The following YIPF6 variants were observed in gnomAD, a reference collection of about 807,000 sequenced individuals.
YIPF6 encodes protein YIPF6.
A neutral mutation model predicts 16.8 loss-of-function variants in YIPF6; 3 were observed. The observed-to-expected ratio is 0.18, with a 90% CI of 0.08 to 0.46. YIPF6 has a LOEUF of 0.46. YIPF6 is among the 20% of genes least tolerant of loss of function. The pLI, the probability that YIPF6 is intolerant of heterozygous loss-of-function variation, is 0.98. For missense variants in YIPF6, 145 were observed against 184.9 expected, an observed-to-expected ratio of 0.78 and a Z score of 1.25; for synonymous variants, 67 against 61.9, an observed-to-expected ratio of 1.08 and a Z score of -0.38.
At chrX:68,531,699 G>A (rs1029628591) in intron 6 of YIPF6, among the ~76,000 whole-genome samples, 182 bp from the exon 7 acceptor site, 1 of 111,780 alleles carries the variant, frequency 8.9e-6, no homozygotes, top group Non-Finnish European at 1.9e-5. Context: ...CCTCGGCCTC[G>A]GCTCTCTGAA....
At chrX:68,508,506 T>G (rs2079068347) in intron 1 of YIPF6, among the ~76,000 whole-genome samples, 2 of 112,221 alleles carry the variant, frequency 1.8e-5, no homozygotes, top group African/African-American at 6.5e-5. Context: ...TACTCTATTC[T>G]TTTTTCTTTT....
chrX:68,518,919 A>G (rs952277233), intron 4 of YIPF6, 107 bp downstream of exon 4: 10 of 798,073 alleles, frequency 1.3e-5, no homozygotes, highest in Admixed American at 7.4e-5. Flanking sequence ...TAGGACTTAT[A>G]TGACATGTTG....
At chrX:68,517,722 C>A (rs1019322716) in intron 3 of YIPF6, among the ~76,000 whole-genome samples, 42 of 110,333 alleles carry the variant, frequency 3.8e-4, no homozygotes, top group African/African-American at 1.3e-3. Flanking sequence ...AATCCCAGCA[C>A]TTTGCGAGGC....
intron 1 of YIPF6, among the ~76,000 whole-genome samples, chrX:68,500,561 C>T (rs1190047923): frequency 9.0e-6 from 1 of 111,339 alleles, no homozygotes; most frequent in East Asian, 2.8e-4. Context: ...GTGATCTGCC[C>T]GCCTCGGCCT....
At chrX:68,500,758 G>A (rs1311284090) in intron 1 of YIPF6, among the ~76,000 whole-genome samples, 1 of 111,595 alleles carries the variant, frequency 9.0e-6, no homozygotes, top group African/African-American at 3.3e-5. Context: ...TTGAGCATCC[G>A]CTACTATGTT....
At chrX:68,500,096 G>A (rs1372004458) in intron 1 of YIPF6, among the ~76,000 whole-genome samples, 1 of 112,169 alleles carries the variant, frequency 8.9e-6, no homozygotes, top group East Asian at 2.8e-4. Flanking sequence ...AGTCATTTTA[G>A]GGAGGGTGTT....
At chrX:68,514,867 G>C (rs186274941) in intron 3 of YIPF6, 3 of 112,653 alleles carry the variant, frequency 2.7e-5, no homozygotes, top group African/African-American at 9.6e-5. Flanking sequence ...TGTTACCCAG[G>C]CTCAAATGCA....
At chrX:68,527,880 C>A (rs2079155410) in intron 6 of YIPF6, among the ~76,000 whole-genome samples, 1 of 111,513 alleles carries the variant, frequency 9.0e-6, no homozygotes, top group Non-Finnish European at 1.9e-5. Context: ...GATTTCCATT[C>A]TTTTGCCTTT....
intron 6 of YIPF6, among the ~76,000 whole-genome samples, chrX:68,527,228 C>A (rs767304787): frequency 9.8e-5 from 11 of 111,732 alleles, no homozygotes; most frequent in Admixed American, 3.8e-4. Flanking sequence ...AGGAATTTAT[C>A]AATTTCTTCT....
intron 1 of YIPF6, among the ~76,000 whole-genome samples, chrX:68,504,188 G>C (rs1489245945): frequency 8.9e-6 from 1 of 112,187 alleles, no homozygotes; most frequent in African/African-American, 3.2e-5. Flanking sequence ...TCCTTGTCTT[G>C]TCCCTGTGGA....
At chrX:68,518,497 G>A (rs992179916) in intron 3 of YIPF6, among the ~76,000 whole-genome samples, 7 of 110,925 alleles carry the variant, frequency 6.3e-5, no homozygotes, top group African/African-American at 2.3e-4. Flanking sequence ...TTTGTCCATT[G>A]GTCTTTAATT....
At chrX:68,499,194 G>A in intron 1 of YIPF6, 71 bp downstream of exon 1, 8 of 1,116,743 alleles carry the variant, frequency 7.2e-6, no homozygotes, top group Non-Finnish European at 9.5e-6. Context: ...TCGGGGGACG[G>A]GCTCGTGGCC....
At position 68,522,793 on chromosome X, in the gene YIPF6, C is replaced by T. The variant is rs1200476784; in HGVS notation, c.468C>T (p.Tyr156=). 1 of 1,206,877 alleles carries T rather than the reference C, an allele frequency of 8.3e-7. No homozygotes were observed. The highest frequency in any genetic ancestry group is 1.1e-6 in the Non-Finnish European group (1 of 894,365). The change falls in exon 6 of 7, where the codon TAC becomes TAT. Residue 156 remains tyrosine (Y), a synonymous_variant. Transcript: ENST00000462683. The part of the protein sequence containing the change: ...SFFQSLCVLG[Y]CILPLTVAML... ...TTCAGAGCCTCTGTGTGCTGGGTTA[C>T]TGTATACTTCCCTTGACAGTAGCAA...
At chrX:68,517,804 C>T (rs2079109201) in intron 3 of YIPF6, among the ~76,000 whole-genome samples, 1 of 105,814 alleles carries the variant, frequency 9.5e-6, no homozygotes, top group Non-Finnish European at 1.9e-5. Context: ...TCCATCTGTA[C>T]AAAAAATAAA....
chrX:68,504,100 G>A (rs2079051239), intron 1 of YIPF6, among the ~76,000 whole-genome samples: 2 of 112,112 alleles, frequency 1.8e-5, no homozygotes, highest in Middle Eastern at 4.7e-3. Context: ...TTTTATTATA[G>A]CAAAGGGATA....
intron 6 of YIPF6, 93 bp downstream of exon 6, chrX:68,523,010 G>T (rs188528296): frequency 2.9e-6 from 3 of 1,020,873 alleles, no homozygotes; most frequent in Non-Finnish European, 4.0e-6. Context: ...TCCAAAGTTA[G>T]ATGTGAGTGA....
chrX:68,503,738 C>T (rs1183292516), intron 1 of YIPF6, among the ~76,000 whole-genome samples: 2 of 112,377 alleles, frequency 1.8e-5, no homozygotes, highest in Non-Finnish European at 3.8e-5. Context: ...GGACCATCCT[C>T]ACTTCAGAGC....
At chrX:68,522,158 G>A (rs1230551035) in intron 5 of YIPF6, among the ~76,000 whole-genome samples, 1 of 110,778 alleles carries the variant, frequency 9.0e-6, no homozygotes, top group Non-Finnish European at 1.9e-5. Flanking sequence ...AAACTAGAAA[G>A]GATTAAGAAC....
intron 3 of YIPF6, among the ~76,000 whole-genome samples, chrX:68,515,824 T>A (rs962155046): frequency 9.0e-6 from 1 of 111,436 alleles, no homozygotes; most frequent in Non-Finnish European, 1.9e-5. Context: ...CATGCCCAGC[T>A]AATTTTTAAA....
Sources: allele counts gnomAD v4.1 joint callset (sites outside exome capture counted in the v4.1 genomes callset), GRCh38; gene constraint gnomAD v4.1.1; transcripts MANE v1.5; gene names NCBI Gene and HGNC (gene_info 2026-07-23, HGNC 2026-07-21).